Variants in GALNT13 observed in about 807,000 individuals in gnomAD.
The protein encoded by GALNT13 is polypeptide N-acetylgalactosaminyltransferase 13.
GALNT13 carries 28 observed loss-of-function variants against 64.2 expected under a neutral mutation model. The ratio of observed to expected loss-of-function variants is 0.44; its 90% CI spans 0.32 to 0.60. The LOEUF is 0.60. Ranked by LOEUF, GALNT13 falls within the 20% of genes least tolerant of loss-of-function variation. The probability of loss-of-function intolerance (pLI) is 0.05; values close to 1 mark genes in which losing one functional copy is unlikely to be tolerated. For synonymous variants in GALNT13, 214 were observed against 224.6 expected (o/e 0.95, Z 0.42); for missense variants, 577 against 669.8 (o/e 0.86, Z 1.53).
the GALNT13 span, among the ~76,000 whole-genome samples, chr2:153,827,752 G>A: frequency 6.6e-6 from 1 of 151,828 alleles, no homozygotes; most frequent in East Asian, 1.9e-4. Context: ...GTCCTCCAAA[G>A]TCTTAACTCA....
At chr2:154,088,867 T>C (rs1028802282) in intron 3 of GALNT13, among the ~76,000 whole-genome samples, 4 of 152,162 alleles carry the variant, frequency 2.6e-5, no homozygotes, top group African/African-American at 9.6e-5. Flanking sequence ...ATTATTGTGT[T>C]TAAAATTATC....
chr2:153,582,975 T>A, the GALNT13 span, among the ~76,000 whole-genome samples: 1 of 152,142 alleles, frequency 6.6e-6, no homozygotes, highest in African/African-American at 2.4e-5. Context: ...TGGAGCTAGG[T>A]ACTGGAAATA....
chr2:154,182,203 G>C (rs549668295), intron 4 of GALNT13, among the ~76,000 whole-genome samples: 1 of 152,240 alleles, frequency 6.6e-6, no homozygotes, highest in African/African-American at 2.4e-5. Context: ...TTGAGAAATA[G>C]AGTTTCAAGC....
chr2:153,485,699 C>A, the GALNT13 span, among the ~76,000 whole-genome samples: 2 of 151,878 alleles, frequency 1.3e-5, no homozygotes, highest in Non-Finnish European at 2.9e-5. Flanking sequence ...GCCCAGGAGT[C>A]CCAGACCAGC....
the GALNT13 span, among the ~76,000 whole-genome samples, chr2:153,611,345 G>C: frequency 6.6e-6 from 1 of 151,802 alleles, no homozygotes; most frequent in African/African-American, 2.4e-5. Context: ...CCAGGCCCCT[G>C]CCCCCCCGTC....
At chr2:153,288,647 C>T in the GALNT13 span, among the ~76,000 whole-genome samples, 2 of 152,134 alleles carry the variant, frequency 1.3e-5, no homozygotes, top group African/African-American at 2.4e-5. Context: ...TACCAAATAA[C>T]GGCTCCAAAG....
chr2:153,321,295 TC>T, the GALNT13 span, among the ~76,000 whole-genome samples: 1 of 152,248 alleles, frequency 6.6e-6, no homozygotes, highest in East Asian at 1.9e-4. Context: ...ATGTGTAATT[TC>T]CTGGAACAGG....
At chr2:153,618,324 A>G in the GALNT13 span, among the ~76,000 whole-genome samples, 2 of 151,864 alleles carry the variant, frequency 1.3e-5, no homozygotes, top group Non-Finnish European at 2.9e-5. Flanking sequence ...ATGTATTTGT[A>G]TAGTTTCCAA....
At chr2:154,037,369 T>C (rs1334926537) in intron 3 of GALNT13, among the ~76,000 whole-genome samples, 1 of 152,160 alleles carries the variant, frequency 6.6e-6, no homozygotes, top group African/African-American at 2.4e-5. Flanking sequence ...AAAGGCTATA[T>C]ATAACAAACC....
At chr2:153,693,034 G>T in the GALNT13 span, among the ~76,000 whole-genome samples, 2 of 152,012 alleles carry the variant, frequency 1.3e-5, no homozygotes, top group South Asian at 2.1e-4. Flanking sequence ...AATACTAGAG[G>T]CAATATATAG....
At chr2:153,973,134 T>C (rs1693851066) in intron 3 of GALNT13, among the ~76,000 whole-genome samples, 1 of 151,724 alleles carries the variant, frequency 6.6e-6, no homozygotes, top group Non-Finnish European at 1.5e-5. Flanking sequence ...AACAAGGAAA[T>C]AGAGATATGA....
chr2:153,811,591 C>A, the GALNT13 span, among the ~76,000 whole-genome samples: 5 of 152,172 alleles, frequency 3.3e-5, no homozygotes, highest in African/African-American at 1.2e-4. Context: ...ACAAATAAAT[C>A]TTTGCTACTA....
intron 11 of GALNT13, among the ~76,000 whole-genome samples, chr2:154,414,029 G>T (rs1213798164): frequency 6.6e-6 from 1 of 151,656 alleles, no homozygotes; most frequent in African/African-American, 2.4e-5. Flanking sequence ...TTCTTTTATT[G>T]TTTAACATAC....
intron 2 of GALNT13, among the ~76,000 whole-genome samples, chr2:153,920,814 C>T (rs13004579): frequency 0.2 from 30,639 of 152,022 alleles, 4,059 homozygotes; most frequent in Middle Eastern, 0.33. Context: ...AGTGGGCAAA[C>T]GACATGAACT....
At chr2:154,263,558 G>A (rs1573977644) in intron 8 of GALNT13, among the ~76,000 whole-genome samples, 1 of 152,100 alleles carries the variant, frequency 6.6e-6, no homozygotes, top group East Asian at 1.9e-4. Flanking sequence ...ATACATTAAA[G>A]TATAATTATA....
chr2:153,793,183 A>C, the GALNT13 span, among the ~76,000 whole-genome samples: 1 of 152,124 alleles, frequency 6.6e-6, no homozygotes, highest in Middle Eastern at 3.4e-3. Context: ...CATGTTGGCC[A>C]GGATGGTCTT....
intron 4 of GALNT13, among the ~76,000 whole-genome samples, chr2:154,145,293 A>G (rs1683528045): frequency 6.6e-6 from 1 of 151,712 alleles, no homozygotes; most frequent in South Asian, 2.1e-4. Context: ...GAGAAAAATG[A>G]CTATTAACTA....
intron 3 of GALNT13, among the ~76,000 whole-genome samples, chr2:154,023,794 G>C (rs1489137932): frequency 6.6e-6 from 1 of 152,178 alleles, no homozygotes; most frequent in African/African-American, 2.4e-5. Context: ...TAGCCTTGAT[G>C]GTCTTTACAA....
chr2:153,829,458 A>AT, the GALNT13 span, among the ~76,000 whole-genome samples: 1 of 152,112 alleles, frequency 6.6e-6, no homozygotes, highest in Non-Finnish European at 1.5e-5. Context: ...GGAAACTTTC[A>AT]TTTTTAAAAT....
Sources: gnomAD v4.1 joint callset for allele counts (sites outside exome capture counted in the v4.1 genomes callset) on GRCh38, gnomAD v4.1.1 for gene constraint, MANE v1.5 for transcripts, NCBI Gene and HGNC (gene_info 2026-07-23, HGNC 2026-07-21) for gene names.